CDON: variants seen among roughly 807,000 people sequenced by gnomAD.
The protein encoded by CDON is cell adhesion molecule-related/down-regulated by oncogenes.
Under a neutral mutation model 120.9 loss-of-function variants are expected in CDON, and 73 were observed. The ratio of observed to expected loss-of-function variants is 0.60; its 90% CI spans 0.50 to 0.73. The LOEUF (loss-of-function observed/expected upper bound fraction) is 0.73, where lower values mean the gene tolerates loss of function less well. Ranked by LOEUF, CDON falls within the 30% of genes least tolerant of loss-of-function variation. The pLI is 0.00. For missense variants in CDON, 1,470 were observed against 1,587.3 expected, an observed-to-expected ratio of 0.93 and a Z score of 1.26; for synonymous variants, 566 against 573.5, an observed-to-expected ratio of 0.99 and a Z score of 0.19.
At chr11:125,981,968 TTC>T (rs1312712366) in intron 16 of CDON, among the ~76,000 whole-genome samples, 134 of 123,462 alleles carry the variant, frequency 1.1e-3, no homozygotes, top group East Asian at 2.1e-3. Context: ...TGATTCTATT[TTC>T]TTTTTTTTTT....
At chr11:126,026,838 A>G (rs981424097) in intron 1 of CDON, among the ~76,000 whole-genome samples, 1 of 152,262 alleles carries the variant, frequency 6.6e-6, no homozygotes, top group Non-Finnish European at 1.5e-5. Context: ...TAACTTGTTA[A>G]CAGGAGACAT....
chr11:126,046,645 C>T (rs1565553710), intron 1 of CDON, among the ~76,000 whole-genome samples: 1 of 152,310 alleles, frequency 6.6e-6, no homozygotes, highest in East Asian at 1.9e-4. Flanking sequence ...ACAACACCTT[C>T]TGGCTCCAGT....
chr11:125,973,761 T>G (rs1946069921), intron 18 of CDON, among the ~76,000 whole-genome samples: 1 of 152,224 alleles, frequency 6.6e-6, no homozygotes, highest in Admixed American at 6.5e-5. Context: ...TTCCTTCCCT[T>G]AGACCTAATT....
chr11:126,045,384 T>C (rs1032037785), intron 1 of CDON, among the ~76,000 whole-genome samples: 5 of 152,096 alleles, frequency 3.3e-5, no homozygotes, highest in Middle Eastern at 3.4e-3. Context: ...AAAGAAAAAA[T>C]AATGGTAATC....
At chr11:125,970,172 G>GTTTTTTTTT (rs36021097) in intron 18 of CDON, among the ~76,000 whole-genome samples, 5 of 103,180 alleles carry the variant, frequency 4.8e-5, no homozygotes, top group Non-Finnish European at 5.9e-5. Context: ...GGTAGTTTAT[G>GTTTTTTTTT]TTTTTTTTTT....
chr11:126,021,962 T>C (rs1461473241), intron 2 of CDON, among the ~76,000 whole-genome samples: 1 of 151,674 alleles, frequency 6.6e-6, no homozygotes, highest in Non-Finnish European at 1.5e-5. Context: ...AATTAGCCAA[T>C]GTGGTGGTGT....
rs186647360 is a variant in CDON at position 126,046,173 on chromosome 11, G to C, written c.-62+16406C>G. Among the ~76,000 whole-genome samples, 31 of 152,220 alleles carry C rather than the reference G, an allele frequency of 2.0e-4. No individual in the cohort carries two copies. In the East Asian group the frequency reaches 5.6e-3, roughly 27 times the overall value. Reference sequence around the variant, plus strand: ...GTATTGGGATGGTAGGATAAGAATTGTAGTTTCAAATACAAGATTCCCATT... The same window carrying C: ...GTATTGGGATGGTAGGATAAGAATTCTAGTTTCAAATACAAGATTCCCATT... On this transcript the variant is annotated intron_variant, in intron 1 of 19. Transcript: ENST00000531738.
intron 1 of CDON, among the ~76,000 whole-genome samples, chr11:126,052,345 T>C (rs1220063681): frequency 6.6e-6 from 1 of 152,208 alleles, no homozygotes; most frequent in East Asian, 1.9e-4. Flanking sequence ...AAAGAAAGTA[T>C]GCCTAATTTT....
At chr11:125,983,835 T>C in intron 16 of CDON, 37 bp downstream of exon 16, 2 of 1,456,944 alleles carry the variant, frequency 1.4e-6, no homozygotes, top group Non-Finnish European at 1.9e-6. Flanking sequence ...CTACCCACCT[T>C]TAGAAAAAGA....
intron 17 of CDON, among the ~76,000 whole-genome samples, chr11:125,979,446 T>C (rs1422349079): frequency 1.3e-5 from 2 of 152,212 alleles, no homozygotes; most frequent in African/African-American, 4.8e-5. Context: ...CAGGGTAACG[T>C]TGTGACTTAC....
At chr11:126,040,543 C>T (rs574706043) in intron 1 of CDON, among the ~76,000 whole-genome samples, 17 of 152,158 alleles carry the variant, frequency 1.1e-4, no homozygotes, top group East Asian at 3.9e-4. Flanking sequence ...AGGCCGGGCG[C>T]GGTGGCTCAC....
At chr11:125,978,504 G>A in intron 17 of CDON, 121 bp from the exon 18 acceptor site, 1 of 717,736 alleles carries the variant, frequency 1.4e-6, no homozygotes, top group East Asian at 2.7e-5. Flanking sequence ...TGGGCACACA[G>A]TATATTCTAA....
At chr11:126,000,392 G>A (rs1043762030) in intron 11 of CDON, among the ~76,000 whole-genome samples, 17 of 150,500 alleles carry the variant, frequency 1.1e-4, no homozygotes, top group African/African-American at 3.4e-4. Flanking sequence ...ATTTTTTGTA[G>A]ATACTGGGTC....
chr11:126,033,260 G>A (rs1164717352), intron 1 of CDON, among the ~76,000 whole-genome samples: 2 of 152,274 alleles, frequency 1.3e-5, no homozygotes, highest in African/African-American at 4.8e-5. Context: ...AGAGGGAATG[G>A]AGAGCGTCTG....
intron 1 of CDON, among the ~76,000 whole-genome samples, chr11:126,045,422 C>T: frequency 6.6e-6 from 1 of 152,154 alleles, no homozygotes; most frequent in African/African-American, 2.4e-5. Context: ...AATCAAAAAA[C>T]AGACAAAGGA....
chr11:126,002,731 C>A (rs1023581822), intron 10 of CDON, among the ~76,000 whole-genome samples: 2 of 152,200 alleles, frequency 1.3e-5, no homozygotes, highest in Non-Finnish European at 2.9e-5. Context: ...ACTATCCAGA[C>A]TCCAGCCAGC....
rs145354087 is a variant in CDON at position 125,978,696 on chromosome 11, C to T, written c.3277-313G>A. ...AAAGTTTAGTCACTTCCCTTCAAAT[C>T]TAGTGGGCTCAAAATACATTATATG... is the stretch of plus-strand genomic sequence containing the variant. On this transcript the variant is annotated intron_variant, in intron 17 of 19. Transcript: ENST00000531738. Among the ~76,000 whole-genome samples the T allele has an allele frequency of 7.0e-3, 1,066 of 152,298 alleles. 12 individuals are homozygous for T. Among genetic ancestry groups the T allele is most frequent in the African/African-American group, 0.023 (954 of 41,552 alleles).
rs1469848457 is a variant in CDON at position 125,995,110 on chromosome 11, C to T, written c.2363-58G>A. On this transcript the variant is annotated intron_variant, in intron 12 of 19. Coordinates refer to ENST00000531738, the MANE Select transcript of CDON (RefSeq NM_001378964.1). ...ACAACAAAAACATAACTAAGAAAAG[C>T]TATAATAAGACAACTAAAGGCAGAA... The T allele has an allele frequency of 3.0e-5, 44 of 1,469,016 alleles. No individual in the cohort carries two copies. The East Asian group carries it at 8.8e-4, about 30-fold the overall frequency. The allele number at this position is 1,469,016 out of a possible 1,614,324, so 91.0% of individuals were successfully genotyped here. A position where few individuals can be genotyped will look rare whatever the true frequency, so the allele number is the denominator to read the frequency against.
intron 18 of CDON, among the ~76,000 whole-genome samples, chr11:125,962,987 C>T (rs1945687795): frequency 6.6e-6 from 1 of 152,058 alleles, no homozygotes; most frequent in African/African-American, 2.4e-5. Context: ...ATCACATTTT[C>T]CTGTTTCTTC....
Sources: allele counts gnomAD v4.1 joint callset (sites outside exome capture counted in the v4.1 genomes callset), GRCh38; gene constraint gnomAD v4.1.1; transcripts MANE v1.5; gene names NCBI Gene and HGNC (gene_info 2026-07-23, HGNC 2026-07-21).